The following CADM2 variants were observed in gnomAD, a reference collection of about 807,000 sequenced individuals.
CADM2 encodes cell adhesion molecule 2.
In CADM2, 12 loss-of-function variants were observed where a neutral mutation model predicts 49.8. The ratio of observed to expected loss-of-function variants is 0.24; its 90% CI spans 0.15 to 0.39. The LOEUF (loss-of-function observed/expected upper bound fraction) is 0.39, where lower values mean the gene tolerates loss of function less well. Among genes scored for constraint, CADM2 ranks in the 10% least tolerant of loss-of-function variants. CADM2 has a pLI of 1.00. For missense variants in CADM2, 378 were observed against 492.3 expected, an observed-to-expected ratio of 0.77 and a Z score of 2.20; for synonymous variants, 214 against 175.4, an observed-to-expected ratio of 1.22 and a Z score of -1.74.
At chr3:85,495,060 G>T (rs1551043) in intron 1 of CADM2, among the ~76,000 whole-genome samples, 78,373 of 152,036 alleles carry the variant, frequency 0.52, 23,179 homozygotes, top group East Asian at 0.85. Context: ...ATTTTTGGGG[G>T]TAGAATATAG....
At chr3:85,311,081 A>G (rs2044331533) in intron 1 of CADM2, among the ~76,000 whole-genome samples, 1 of 152,136 alleles carries the variant, frequency 6.6e-6, no homozygotes. Flanking sequence ...TTCAGTATCA[A>G]TTGACCATGC....
At chr3:85,794,882 C>G (rs75238620) in intron 2 of CADM2, among the ~76,000 whole-genome samples, 136 of 152,126 alleles carry the variant, frequency 8.9e-4, no homozygotes, top group African/African-American at 3.1e-3. Context: ...CAAAGCAAGG[C>G]ACATAGTAGG....
intron 1 of CADM2, among the ~76,000 whole-genome samples, chr3:85,301,210 T>G (rs1272391752): frequency 6.6e-6 from 1 of 152,082 alleles, no homozygotes; most frequent in Non-Finnish European, 1.5e-5. Flanking sequence ...TGGGAGCTGA[T>G]GCAGACATAG....
At chr3:85,085,409 C>G (rs1157171721) in intron 1 of CADM2, among the ~76,000 whole-genome samples, 2 of 151,728 alleles carry the variant, frequency 1.3e-5, no homozygotes, top group East Asian at 3.9e-4. Flanking sequence ...TTTAAAGTCT[C>G]AATAGTATTC....
chr3:85,291,637 C>A (rs1311982858), intron 1 of CADM2, among the ~76,000 whole-genome samples: 1 of 147,216 alleles, frequency 6.8e-6, no homozygotes, highest in Non-Finnish European at 1.5e-5. Flanking sequence ...CAATATTCAA[C>A]ATTCTTAAAG....
intron 1 of CADM2, among the ~76,000 whole-genome samples, chr3:85,718,062 G>A (rs546047322): frequency 3.3e-5 from 5 of 152,234 alleles, no homozygotes; most frequent in East Asian, 3.9e-4. Context: ...AAGCCACCAC[G>A]TCCAGCCAGA....
intron 1 of CADM2, among the ~76,000 whole-genome samples, chr3:85,451,886 T>C (rs913618916): frequency 6.6e-6 from 1 of 152,114 alleles, no homozygotes; most frequent in African/African-American, 2.4e-5. Context: ...ATGGATGATA[T>C]GGAAGCATTT....
intron 2 of CADM2, among the ~76,000 whole-genome samples, chr3:85,801,284 A>G (rs985316507): frequency 3.3e-5 from 5 of 152,198 alleles, no homozygotes; most frequent in Admixed American, 6.6e-5. Flanking sequence ...AACCTTGATT[A>G]CATACTGATG....
chr3:86,051,123 G>A (rs1368795593), intron 8 of CADM2, among the ~76,000 whole-genome samples: 2 of 152,082 alleles, frequency 1.3e-5, no homozygotes, highest in Admixed American at 6.6e-5. Flanking sequence ...TATGAGATAG[G>A]ATGTTAGAAG....
intron 1 of CADM2, among the ~76,000 whole-genome samples, chr3:85,010,911 TGGAGTGCA>T (rs2033960167): frequency 7.9e-6 from 1 of 125,972 alleles, no homozygotes; most frequent in Non-Finnish European, 1.6e-5. Context: ...TCTCCCAGGC[TGGAGTGCA>T]GTGGCGTGAT....
chr3:85,461,801 G>T (rs570422859), intron 1 of CADM2, among the ~76,000 whole-genome samples: 7 of 152,240 alleles, frequency 4.6e-5, no homozygotes, highest in Non-Finnish European at 8.8e-5. Context: ...AATGTCAGTT[G>T]TCCTATCATC....
chr3:85,708,530 G>C (rs902626367), intron 1 of CADM2, among the ~76,000 whole-genome samples: 6 of 152,202 alleles, frequency 3.9e-5, no homozygotes, highest in Non-Finnish European at 8.8e-5. Flanking sequence ...TCACCAGCAG[G>C]TCATGGTCCC....
intron 1 of CADM2, among the ~76,000 whole-genome samples, chr3:85,720,898 C>T (rs902169135): frequency 6.6e-6 from 1 of 152,062 alleles, no homozygotes; most frequent in South Asian, 2.1e-4. Context: ...GTAGAATTTC[C>T]CCTTTTCAAA....
intron 1 of CADM2, among the ~76,000 whole-genome samples, chr3:85,687,250 T>C (rs575272832): frequency 2.6e-5 from 4 of 152,336 alleles, no homozygotes; most frequent in African/African-American, 9.6e-5. Context: ...ACTTACTAAT[T>C]GACAGGAACA....
intron 1 of CADM2, among the ~76,000 whole-genome samples, chr3:85,377,920 G>A (rs911707375): frequency 2.6e-5 from 4 of 151,984 alleles, no homozygotes; most frequent in Non-Finnish European, 2.9e-5. Flanking sequence ...TTGAGTGAAA[G>A]TTTAAACAGT....
chr3:85,954,801 G>A lies in CADM2; in HGVS notation c.792-6668G>A, dbSNP rs915265556. 7.3e-5 allele frequency among the ~76,000 whole-genome samples: 11 copies of A among 151,110 alleles called. No individual in the cohort carries two copies. In the Admixed American group the frequency reaches 7.3e-4, roughly 10 times the overall value. ...CTAAAAATATGATAACATAAATATT[G>A]GGTGTATTATGCATAGACTCTTACT... is the stretch of plus-strand genomic sequence containing the variant. On this transcript the variant is annotated intron_variant, in intron 7 of 9. Transcript: ENST00000383699.
rs1430294062 is a variant in CADM2, at chr3:85,458,946, C to T, written c.62-267576C>T. 1.3e-5 allele frequency among the ~76,000 whole-genome samples: 2 copies of T among 152,114 alleles called. 1 individual carries two copies. Among genetic ancestry groups the T allele is most frequent in the Non-Finnish European group, 2.9e-5 (2 of 67,990 alleles). The stretch of plus-strand genomic sequence containing the variant: ...TTTTGTGATGAATCTCTTCAGTATA[C>T]AAATGGAAATTCTTTTTGCAATACT... On this transcript the variant is annotated intron_variant, in intron 1 of 9. Coordinates refer to ENST00000383699, the MANE Select transcript of CADM2 (RefSeq NM_001167675.2).
intron 1 of CADM2, among the ~76,000 whole-genome samples, chr3:85,515,262 A>ATTC (rs1393115283): frequency 2.0e-5 from 3 of 152,152 alleles, no homozygotes; most frequent in African/African-American, 7.2e-5. Flanking sequence ...AAGATCAGTT[A>ATTC]ACAAATGTAA....
intron 1 of CADM2, among the ~76,000 whole-genome samples, chr3:85,041,100 T>G (rs2035421780): frequency 6.6e-6 from 1 of 152,216 alleles, no homozygotes; most frequent in Admixed American, 6.6e-5. Flanking sequence ...TTCAATCTTT[T>G]AATTCTTCTT....
Sources: gnomAD v4.1 joint callset for allele counts (sites outside exome capture counted in the v4.1 genomes callset) on GRCh38, gnomAD v4.1.1 for gene constraint, MANE v1.5 for transcripts, NCBI Gene and HGNC (gene_info 2026-07-23, HGNC 2026-07-21) for gene names.